Variants in SCAMP4 observed in about 807,000 individuals in gnomAD.
SCAMP4 encodes the protein secretory carrier membrane protein 4, also known as secretory carrier-associated membrane protein 4.
In SCAMP4, 19 loss-of-function variants were observed where a neutral mutation model predicts 32.1. That is an observed-to-expected ratio of 0.59 (90% CI 0.41 to 0.87). The LOEUF (loss-of-function observed/expected upper bound fraction) is 0.87. Among genes scored for constraint, SCAMP4 ranks in the 40% least tolerant of loss-of-function variants. The probability of loss-of-function intolerance (pLI) is 0.00; values close to 1 mark genes in which losing one functional copy is unlikely to be tolerated. For synonymous variants in SCAMP4, 152 were observed against 132.7 expected (o/e 1.15, Z -1.00); for missense variants, 302 against 309.0 (o/e 0.98, Z 0.17).
At chr19:1,918,691 G>A (rs2013816688) in intron 4 of SCAMP4, 198 bp from the exon 5 acceptor site, 1 of 784,902 alleles carries the variant, frequency 1.3e-6, no homozygotes, top group Non-Finnish European at 1.9e-6. Flanking sequence ...GAACCCGGGA[G>A]GCAGAGGTTG....
Position 1,912,977 on chromosome 19 carries a change from C to A in SCAMP4, c.-41-2002C>A, listed in dbSNP as rs150936899. The A allele has an allele frequency of 3.2e-5, 51 of 1,609,746 alleles. No individual in the cohort carries two copies. The highest frequency in any genetic ancestry group is 4.2e-5 in the Non-Finnish European group (50 of 1,179,356). On this transcript the variant is annotated intron_variant, in intron 1 of 6. Coordinates refer to ENST00000316097, the MANE Select transcript of SCAMP4 (RefSeq NM_079834.4). Reference sequence around the variant, plus strand: ...TGACCCGCGAGCCCTGCGCCATGTGCGCCATGGCCCTGGTGCACGCACGCA... The same window carrying A: ...TGACCCGCGAGCCCTGCGCCATGTGAGCCATGGCCCTGGTGCACGCACGCA...
At chr19:1,916,877 A>G (rs1325418029) in intron 2 of SCAMP4, among the ~76,000 whole-genome samples, 2 of 152,192 alleles carry the variant, frequency 1.3e-5, no homozygotes, top group South Asian at 2.1e-4. Context: ...CTGAGCCTGC[A>G]TGTTGGCGTC....
In SCAMP4 at chr19:1,920,823, G is replaced by C. The variant is rs758161160; in HGVS notation, c.395+1833G>C. The C allele has an allele frequency of 5.1e-6, 5 of 985,404 alleles. No homozygotes were observed. In the African/African-American group the frequency reaches 5.2e-5, roughly 10 times the overall value. 61.0% of individuals were successfully genotyped at this position (985,404 alleles called of 1,614,324 possible). A position where few individuals can be genotyped will look rare whatever the true frequency, so the allele number is the denominator to read the frequency against. On this transcript the variant is annotated intron_variant, in intron 5 of 6. Transcript: ENST00000316097. ...GCTGGGTGGACAGGCCTGTGCCCGT[G>C]TTGGGTGGTCCTGAGATCCCGGCAT...
At chr19:1,923,048 C>T (rs369928074) in intron 5 of SCAMP4, 22 bp from the exon 6 acceptor site, 82 of 1,528,208 alleles carry the variant, frequency 5.4e-5, no homozygotes, top group African/African-American at 2.8e-4. Flanking sequence ...CAGGCACCCA[C>T]GCACTCTCTT....
At position 1,912,112 on chromosome 19, in the gene SCAMP4, G is replaced by T. The variant is rs544957049; in HGVS notation, c.-41-2867G>T. Reference sequence around the variant, plus strand: ...TCGCTGAGGATGGAGCCCGCCCCGGGCCTCGTGGAGCAGCCCAAGTGCTTG... The same window carrying T: ...TCGCTGAGGATGGAGCCCGCCCCGGTCCTCGTGGAGCAGCCCAAGTGCTTG... On this transcript the variant is annotated intron_variant, in intron 1 of 6. Coordinates refer to ENST00000316097, the MANE Select transcript of SCAMP4 (RefSeq NM_079834.4). The T allele has an allele frequency of 1.1e-5, 17 of 1,526,154 alleles. No homozygotes were observed. Among genetic ancestry groups the T allele is most frequent in the Non-Finnish European group, 1.5e-5 (17 of 1,142,070 alleles). The allele number at this position is 1,526,154 out of a possible 1,614,324, so 94.5% of individuals were successfully genotyped here.
rs1433848960 is a variant in SCAMP4 at position 1,918,871 on chromosome 19, T to C, written c.294-18T>C. 1.3e-6 allele frequency: 2 copies of C among 1,590,560 alleles called. No homozygotes were observed. The highest frequency in any genetic ancestry group is 3.6e-5 in the Admixed American group (2 of 55,850). Reference sequence around the variant, plus strand: ...AGCCAGGGCTGTGGTAACCGTCGTGTTTTCTGTCCCTCCCCAGAGCCGACA... The same window carrying C: ...AGCCAGGGCTGTGGTAACCGTCGTGCTTTCTGTCCCTCCCCAGAGCCGACA... On this transcript the variant is annotated intron_variant, in intron 4 of 6. Coordinates refer to ENST00000316097, the MANE Select transcript of SCAMP4 (RefSeq NM_079834.4).
intron 1 of SCAMP4, among the ~76,000 whole-genome samples, chr19:1,910,824 C>T (rs956884892): frequency 1.3e-5 from 2 of 151,840 alleles, no homozygotes; most frequent in Non-Finnish European, 2.9e-5. Context: ...ATCTGCCCGC[C>T]TCAGCCTCCC....
chr19:1,917,246 C>T (rs1362331415), intron 2 of SCAMP4, among the ~76,000 whole-genome samples: 1 of 152,210 alleles, frequency 6.6e-6, no homozygotes, highest in African/African-American at 2.4e-5. Context: ...GCAGAGGCTG[C>T]AGTGAGCCGA....
Position 1,925,318 on chromosome 19 carries a change from G to C in SCAMP4, c.*1034G>C, listed in dbSNP as rs1055837589. On this transcript the variant is annotated 3_prime_UTR_variant, in exon 7 of 7. Transcript: ENST00000316097. Reference sequence around the variant, plus strand: ...TCACCATGTTGGCCAGGCTGGTCTCGAACTCCTGACCTCAAGTGATCCACC... The same window carrying C: ...TCACCATGTTGGCCAGGCTGGTCTCCAACTCCTGACCTCAAGTGATCCACC... 6.6e-6 allele frequency: 1 copy of C among 152,174 alleles called. No individual in the cohort carries two copies. Among genetic ancestry groups the C allele is most frequent in the African/African-American group, 2.4e-5 (1 of 41,368 alleles). The allele number at this position is 152,174 out of a possible 1,614,324, so 9.4% of individuals were successfully genotyped here.
At chr19:1,921,056 GC>G (rs1225727496) in intron 5 of SCAMP4, 1 of 985,428 alleles carries the variant, frequency 1.0e-6, no homozygotes, top group Non-Finnish European at 1.2e-6. Context: ...GGAGAGCCCG[GC>G]CCCCCTTGTA....
rs891115666 is a variant in SCAMP4, at chr19:1,922,992, G to A, written c.396-78G>A. 14 of 1,434,710 alleles carry A rather than the reference G, an allele frequency of 9.8e-6. No individual in the cohort carries two copies. In the Admixed American group the frequency reaches 3.4e-4, roughly 35 times the overall value. 88.9% of individuals were successfully genotyped at this position (1,434,710 alleles called of 1,614,324 possible). On this transcript the variant is annotated intron_variant, in intron 5 of 6. Coordinates refer to ENST00000316097, the MANE Select transcript of SCAMP4 (RefSeq NM_079834.4). ...GTTGATTGGCCAGAGCTCTTTACAT[G>A]GGGAGGACCATGGGCCGGACCATGG...
At chr19:1,922,561 G>C in intron 5 of SCAMP4, 1 of 985,468 alleles carries the variant, frequency 1.0e-6, no homozygotes. Context: ...TGGTCCCTCA[G>C]TGCCCACCGG....
intron 5 of SCAMP4, chr19:1,920,222 A>C: frequency 9.1e-6 from 9 of 985,348 alleles, no homozygotes; most frequent in Non-Finnish European, 1.1e-5. Flanking sequence ...TGTCCTTGGC[A>C]CGGCGGGAGC....
intron 1 of SCAMP4, chr19:1,906,406 A>T (rs1242611894): frequency 6.6e-6 from 1 of 151,238 alleles, no homozygotes; most frequent in East Asian, 1.9e-4. Context: ...AGGCATGGTG[A>T]CACATGTCTG....
rs1396025102 is a variant in SCAMP4 at position 1,908,033 on chromosome 19, G to C, written c.-42+2594G>C. 6.2e-6 allele frequency: 1 copy of C among 161,432 alleles called. No homozygotes were observed. The highest frequency in any genetic ancestry group is 1.4e-5 in the Non-Finnish European group (1 of 74,018). 10.0% of individuals were successfully genotyped at this position (161,432 alleles called of 1,614,324 possible). On this transcript the variant is annotated intron_variant, in intron 1 of 6. Transcript: ENST00000316097. The surrounding 1 kb of genome is among the most constrained non-coding windows in gnomAD (Gnocchi z 4.2). ...TCTCTGGGTCGTTTGTTTTTCATCAGACAGAGGTTGTACTCTTGGAGGGAC... is the reference window on the plus strand; with the variant it reads ...TCTCTGGGTCGTTTGTTTTTCATCACACAGAGGTTGTACTCTTGGAGGGAC...
chr19:1,921,584 G>A (rs2013921899), intron 5 of SCAMP4: 1 of 985,450 alleles, frequency 1.0e-6, no homozygotes, highest in South Asian at 4.7e-5. Context: ...GTGCGATGCT[G>A]GCCAGTGGGA....
rs540777845 is a variant in SCAMP4, at chr19:1,912,305, C to T, written c.-41-2674C>T. ...AGGTGTCGGCCCTGCACCCGCTCCC[C>T]GCCCAGCCTCACCTCAAGCGGGTGC... On this transcript the variant is annotated intron_variant, in intron 1 of 6. Coordinates refer to ENST00000316097, the MANE Select transcript of SCAMP4 (RefSeq NM_079834.4). The T allele has an allele frequency of 1.1e-4, 168 of 1,560,738 alleles. No homozygotes were observed. In the East Asian group the frequency reaches 3.9e-3, roughly 36 times the overall value.
At chr19:1,923,283 C>T (rs1599258269) in intron 6 of SCAMP4, 96 bp downstream of exon 6, 2 of 1,066,178 alleles carry the variant, frequency 1.9e-6, no homozygotes, top group East Asian at 2.8e-5. Context: ...GGAGCCGGGC[C>T]CTCTCCCCAC....
Position 1,912,487 on chromosome 19 carries a change from G to A in SCAMP4, c.-41-2492G>A, listed in dbSNP as rs562447196. 1.3e-4 allele frequency: 201 copies of A among 1,498,814 alleles called. 2 individuals are homozygous for A. The South Asian group carries it at 2.1e-3, about 15-fold the overall frequency. The allele number at this position is 1,498,814 out of a possible 1,614,324, so 92.8% of individuals were successfully genotyped here. A position where few individuals can be genotyped will look rare whatever the true frequency, so the allele number is the denominator to read the frequency against. On this transcript the variant is annotated intron_variant, in intron 1 of 6. Coordinates refer to ENST00000316097, the MANE Select transcript of SCAMP4 (RefSeq NM_079834.4). The stretch of plus-strand genomic sequence containing the variant: ...CCCTTCCTGGTGCCCGTGCCCGCCC[G>A]GCCGCCTCTGACCAGGGGCCAGTTC...
Sources: gnomAD v4.1 joint callset for allele counts (sites outside exome capture counted in the v4.1 genomes callset) on GRCh38, gnomAD v4.1.1 for gene constraint, Gnocchi (gnomAD v3.1) non-coding constraint, MANE v1.5 for transcripts, NCBI Gene and HGNC (gene_info 2026-07-23, HGNC 2026-07-21) for gene names.